LSAMP: variants seen among roughly 807,000 people sequenced by gnomAD.
LSAMP encodes limbic system-associated membrane protein.
A neutral mutation model predicts 38.6 loss-of-function variants in LSAMP; 7 were observed. The ratio of observed to expected loss-of-function variants is 0.18; its 90% CI spans 0.10 to 0.34. The LOEUF (loss-of-function observed/expected upper bound fraction) is 0.34. Among genes scored for constraint, LSAMP ranks in the 10% least tolerant of loss-of-function variants. The probability of loss-of-function intolerance (pLI) is 1.00; values close to 1 mark genes in which losing one functional copy is unlikely to be tolerated. For missense variants in LSAMP, 313 were observed against 420.0 expected (o/e 0.75, Z 2.23); for synonymous variants, 154 against 166.8 (o/e 0.92, Z 0.59).
chr3:116,043,805 C>T (rs1246661543), intron 2 of LSAMP, among the ~76,000 whole-genome samples: 2 of 152,170 alleles, frequency 1.3e-5, no homozygotes, highest in Admixed American at 6.5e-5. Flanking sequence ...ATTAGCCAGG[C>T]ATGGTGGCAG....
intron 3 of LSAMP, among the ~76,000 whole-genome samples, chr3:115,884,689 C>G (rs1001732334): frequency 2.6e-5 from 4 of 151,898 alleles, no homozygotes; most frequent in Non-Finnish European, 5.9e-5. Flanking sequence ...AACAAGTTTA[C>G]AAATACGAGC....
intron 3 of LSAMP, among the ~76,000 whole-genome samples, chr3:116,011,013 C>CTTTTTTTTTTTTTT (rs1169726977): frequency 0.011 from 1,722 of 150,194 alleles, 31 homozygotes; most frequent in African/African-American, 0.03. Flanking sequence ...ATAGTTTATG[C>CTTTTTTTTTTTTTT]TTTTTTTTGA....
intron 3 of LSAMP, among the ~76,000 whole-genome samples, chr3:115,884,422 A>G (rs761836866): frequency 6.6e-6 from 1 of 151,948 alleles, no homozygotes; most frequent in Non-Finnish European, 1.5e-5. Flanking sequence ...GGCAACTCAT[A>G]GTTGAATTTC....
chr3:116,390,861 T>C (rs960509782), intron 1 of LSAMP, among the ~76,000 whole-genome samples: 3 of 151,790 alleles, frequency 2.0e-5, no homozygotes, highest in Admixed American at 6.6e-5. Context: ...TTTTTGTCAG[T>C]GGTCTGCTCA....
chr3:116,320,778 G>C (rs2047697068), intron 1 of LSAMP, among the ~76,000 whole-genome samples: 3 of 152,064 alleles, frequency 2.0e-5, no homozygotes, highest in Admixed American at 6.5e-5. Context: ...GGCAGCACTA[G>C]CACAGTGACC....
chr3:116,188,794 G>A (rs943105747), intron 1 of LSAMP, among the ~76,000 whole-genome samples: 1 of 152,174 alleles, frequency 6.6e-6, no homozygotes, highest in African/African-American at 2.4e-5. Context: ...TCTCTAAGAG[G>A]CTCCCAGTCT....
At chr3:116,151,475 T>C (rs1240188729) in intron 1 of LSAMP, among the ~76,000 whole-genome samples, 1 of 152,016 alleles carries the variant, frequency 6.6e-6, no homozygotes, top group Admixed American at 6.6e-5. Context: ...TGAGTGAACA[T>C]ATAATGTACT....
chr3:116,180,114 C>T (rs1188001168), intron 1 of LSAMP, among the ~76,000 whole-genome samples: 1 of 151,958 alleles, frequency 6.6e-6, no homozygotes, highest in African/African-American at 2.4e-5. Flanking sequence ...TACTTAGTCT[C>T]CAGAATGGCA....
intron 3 of LSAMP, among the ~76,000 whole-genome samples, chr3:115,983,237 C>T (rs1559907824): frequency 6.6e-6 from 1 of 152,028 alleles, no homozygotes; most frequent in Non-Finnish European, 1.5e-5. Flanking sequence ...AATTAATGGC[C>T]AGGCATGGTG....
At chr3:116,129,150 G>T (rs148090274) in intron 1 of LSAMP, among the ~76,000 whole-genome samples, 161 of 152,110 alleles carry the variant, frequency 1.1e-3, no homozygotes, top group African/African-American at 3.7e-3. Context: ...TGAATCATTC[G>T]CAATGAGGAG....
chr3:116,019,162 G>A (rs966396707), intron 3 of LSAMP, among the ~76,000 whole-genome samples: 5 of 135,594 alleles, frequency 3.7e-5, no homozygotes, highest in Non-Finnish European at 8.0e-5. Context: ...GTGGGTGGGG[G>A]GGGGGGGGCT....
chr3:115,934,228 G>A (rs1212183047), intron 3 of LSAMP, among the ~76,000 whole-genome samples: 1 of 150,988 alleles, frequency 6.6e-6, no homozygotes, highest in Non-Finnish European at 1.5e-5. Flanking sequence ...ACCCAGGCTG[G>A]AGTGCAGTGG....
At chr3:116,104,164 A>G (rs1708410980) in intron 1 of LSAMP, among the ~76,000 whole-genome samples, 1 of 152,232 alleles carries the variant, frequency 6.6e-6, no homozygotes, top group Non-Finnish European at 1.5e-5. Flanking sequence ...CCAGTCTCAT[A>G]ATTTCAAAAC....
intron 3 of LSAMP, among the ~76,000 whole-genome samples, chr3:115,978,094 G>A (rs1274429389): frequency 6.6e-6 from 1 of 151,792 alleles, no homozygotes; most frequent in Non-Finnish European, 1.5e-5. Context: ...CTGCAGCCTC[G>A]AACTCCTGGA....
At chr3:116,209,109 G>A (rs910441672) in intron 1 of LSAMP, among the ~76,000 whole-genome samples, 3 of 152,192 alleles carry the variant, frequency 2.0e-5, no homozygotes, top group Non-Finnish European at 2.9e-5. Flanking sequence ...GTGGTGTGCC[G>A]TTTTTTAAGC....
chr3:116,090,156 A>T (rs972517648), intron 1 of LSAMP, among the ~76,000 whole-genome samples: 1 of 151,484 alleles, frequency 6.6e-6, no homozygotes, highest in African/African-American at 2.4e-5. Context: ...TCAAGGCTAC[A>T]GTGAGCTATG....
At chr3:115,968,172 G>T (rs1015931895) in intron 3 of LSAMP, among the ~76,000 whole-genome samples, 2 of 152,070 alleles carry the variant, frequency 1.3e-5, no homozygotes, top group African/African-American at 2.4e-5. Context: ...CCAAGAGCCT[G>T]CTTGGTGCTC....
chr3:116,025,276 A>T (rs1466877083), intron 2 of LSAMP, among the ~76,000 whole-genome samples: 1 of 152,082 alleles, frequency 6.6e-6, no homozygotes, highest in African/African-American at 2.4e-5. Context: ...ATTCAGTTTC[A>T]GTGATAACTA....
chr3:116,067,315 G>A (rs1266812853), intron 2 of LSAMP, among the ~76,000 whole-genome samples: 4 of 152,108 alleles, frequency 2.6e-5, no homozygotes, highest in Admixed American at 6.6e-5. Context: ...GAACAAAAAT[G>A]TGGCATTACT....
Sources: gnomAD v4.1 joint callset for allele counts (sites outside exome capture counted in the v4.1 genomes callset) on GRCh38, gnomAD v4.1.1 for gene constraint, MANE v1.5 for transcripts, NCBI Gene and HGNC (gene_info 2026-07-23, HGNC 2026-07-21) for gene names.